TGFBR3: variants seen among roughly 807,000 people sequenced by gnomAD.
The protein encoded by TGFBR3 is transforming growth factor beta receptor type 3.
In TGFBR3, 46 loss-of-function variants were observed where a neutral mutation model predicts 87.9. The ratio of observed to expected loss-of-function variants is 0.52; its 90% CI spans 0.41 to 0.67. The LOEUF is 0.67. TGFBR3 is among the 30% of genes least tolerant of loss of function. The pLI, the probability that TGFBR3 is intolerant of heterozygous loss-of-function variation, is 0.00. For missense variants in TGFBR3, 866 were observed against 1,041.9 expected (o/e 0.83, Z 2.32); for synonymous variants, 381 against 391.6 (o/e 0.97, Z 0.32).
chr1:91,779,473 T>C (rs1474269715), intron 3 of TGFBR3, among the ~76,000 whole-genome samples: 1 of 152,192 alleles, frequency 6.6e-6, no homozygotes, highest in Non-Finnish European at 1.5e-5. Context: ...CTTGCACTCC[T>C]AAGAGGGATG....
Position 91,797,426 on chromosome 1 carries a change from G to C in TGFBR3, c.107C>G (p.Ser36Cys). Residue 36 changes from serine (S) to cysteine (C), a missense_variant, in exon 3 of 17, where the codon TCC becomes TGC. Physicochemically the swap from Ser to Cys is moderately radical, Grantham distance 112. Transcript: ENST00000212355. The stretch of plus-strand genomic sequence containing the variant: ...CTCCATCAAGGCCTGGACAGGATGG[G>C]AGGCACTGACAGGTGACAGTTCACA... The part of the protein sequence containing the change: ...ALCELSPVSA[S>C]HPVQALMESF... The C allele has an allele frequency of 6.2e-7, 1 of 1,614,226 alleles. No individual in the cohort carries two copies. The highest frequency in any genetic ancestry group is 8.5e-7 in the Non-Finnish European group (1 of 1,180,044).
chr1:91,768,939 G>A (rs917648453), intron 3 of TGFBR3, among the ~76,000 whole-genome samples: 3 of 152,082 alleles, frequency 2.0e-5, no homozygotes, highest in South Asian at 2.1e-4. Flanking sequence ...CACATCTCCC[G>A]TAACCCAATC....
In TGFBR3 at chr1:91,681,834, G is replaced by T. The variant is rs1670918884; in HGVS notation, c.*1905C>A. ...AAACAATACATTCCACCGAAGGTTA[G>T]GCAAAGCGCAATATTTTCAAACACA... On this transcript the variant is annotated 3_prime_UTR_variant, in exon 17 of 17. Coordinates refer to ENST00000212355, the MANE Select transcript of TGFBR3 (RefSeq NM_003243.5). 6.6e-6 allele frequency: 3 copies of T among 453,110 alleles called. No individual in the cohort carries two copies. Among genetic ancestry groups the T allele is most frequent in the Non-Finnish European group, 1.3e-5 (3 of 226,622 alleles). The allele number at this position is 453,110 out of a possible 1,614,324, so 28.1% of individuals were successfully genotyped here.
rs1268151494 is a variant in TGFBR3 at position 91,861,620 on chromosome 1, T to C, written c.-89A>G. 4 of 1,021,206 alleles carry C rather than the reference T, an allele frequency of 3.9e-6. No homozygotes were observed. Among genetic ancestry groups the C allele is most frequent in the Non-Finnish European group, 6.2e-6 (4 of 643,980 alleles). 63.3% of individuals were successfully genotyped at this position (1,021,206 alleles called of 1,614,324 possible). A position where few individuals can be genotyped will look rare whatever the true frequency, so the allele number is the denominator to read the frequency against. On this transcript the variant is annotated 5_prime_UTR_variant, in exon 2 of 17. Transcript: ENST00000212355. Reference sequence around the variant, plus strand: ...TTGCAAATCAGAAGTAGTCTTAAAGTCCCTCCTTGCAATTTTCAAACTGCC... The same window carrying C: ...TTGCAAATCAGAAGTAGTCTTAAAGCCCCTCCTTGCAATTTTCAAACTGCC...
At chr1:91,903,379 A>G (rs907651250) in intron 1 of TGFBR3, among the ~76,000 whole-genome samples, 112 of 144,106 alleles carry the variant, frequency 7.8e-4, no homozygotes, top group African/African-American at 2.8e-3. Context: ...GCCAGTCTGG[A>G]CCTCTGTCTC....
intron 2 of TGFBR3, among the ~76,000 whole-genome samples, chr1:91,826,187 G>A (rs1676626672): frequency 6.6e-6 from 1 of 152,064 alleles, no homozygotes; most frequent in Non-Finnish European, 1.5e-5. Context: ...GGTGGAGTCA[G>A]GATAGAGAGA....
At chr1:91,687,641 A>C (rs1274493324) in intron 16 of TGFBR3, among the ~76,000 whole-genome samples, 1 of 152,232 alleles carries the variant, frequency 6.6e-6, no homozygotes, top group East Asian at 1.9e-4. Flanking sequence ...AATACTCTCC[A>C]TGAGGATTAT....
chr1:91,874,004 T>C (rs1280429153), intron 1 of TGFBR3, among the ~76,000 whole-genome samples: 3 of 152,008 alleles, frequency 2.0e-5, no homozygotes, highest in Non-Finnish European at 4.4e-5. Flanking sequence ...ATAATGTTTA[T>C]CAAGTGCCTG....
At chr1:91,724,616 T>C (rs1672487771) in intron 7 of TGFBR3, among the ~76,000 whole-genome samples, 1 of 152,204 alleles carries the variant, frequency 6.6e-6, no homozygotes, top group Non-Finnish European at 1.5e-5. Flanking sequence ...TCAACATCTA[T>C]CTACACATTT....
chr1:91,681,585 T>C lies in TGFBR3; in HGVS notation c.*2154A>G, dbSNP rs1456021541. The stretch of plus-strand genomic sequence containing the variant: ...TAATATCTCCTAATAGCTAATTTTC[T>C]TTTTAACACGATGGAAAAGATTTTT... On this transcript the variant is annotated 3_prime_UTR_variant, in exon 17 of 17. Transcript: ENST00000212355. 2.5e-6 allele frequency: 1 copy of C among 399,322 alleles called. No homozygotes were observed. Among genetic ancestry groups the C allele is most frequent in the African/African-American group, 2.1e-5 (1 of 47,132 alleles). The allele number at this position is 399,322 out of a possible 1,614,324, so 24.7% of individuals were successfully genotyped here.
upstream of TGFBR3, among the ~76,000 whole-genome samples, chr1:91,887,615 T>C (rs1264505629): frequency 6.6e-6 from 1 of 152,164 alleles, no homozygotes; most frequent in African/African-American, 2.4e-5. Context: ...AGGCTTCTTA[T>C]GACATGTTAT....
intron 4 of TGFBR3, among the ~76,000 whole-genome samples, chr1:91,738,830 T>C (rs972950030): frequency 6.6e-6 from 1 of 152,118 alleles, no homozygotes; most frequent in Non-Finnish European, 1.5e-5. Flanking sequence ...AGAGACACAG[T>C]GGAGAATATG....
intron 7 of TGFBR3, among the ~76,000 whole-genome samples, chr1:91,726,212 G>A (rs1672543929): frequency 6.6e-6 from 1 of 152,218 alleles, no homozygotes; most frequent in African/African-American, 2.4e-5. Context: ...CTCAGGGAAA[G>A]AGCCATCGAA....
intron 2 of TGFBR3, among the ~76,000 whole-genome samples, chr1:91,836,563 G>A (rs1677076994): frequency 1.3e-5 from 2 of 152,108 alleles, no homozygotes; most frequent in African/African-American, 2.4e-5. Context: ...TGGCAGTGAG[G>A]AGCATTTTCC....
At chr1:91,730,240 C>T (rs1672717277) in intron 5 of TGFBR3, among the ~76,000 whole-genome samples, 1 of 152,142 alleles carries the variant, frequency 6.6e-6, no homozygotes, top group Non-Finnish European at 1.5e-5. Flanking sequence ...ACTTCCTGTC[C>T]TCGTCTGTTT....
In TGFBR3 at chr1:91,680,959, G is replaced by A. The variant is rs79001261; in HGVS notation, c.*2780C>T. 6,455 of 454,048 alleles carry A rather than the reference G, an allele frequency of 0.014. 346 individuals carry two copies. Among genetic ancestry groups the A allele is most frequent in the African/African-American group, 0.12 (5,892 of 50,084 alleles). The allele number at this position is 454,048 out of a possible 1,614,324, so 28.1% of individuals were successfully genotyped here. A position where few individuals can be genotyped will look rare whatever the true frequency, so the allele number is the denominator to read the frequency against. On this transcript the variant is annotated 3_prime_UTR_variant, in exon 17 of 17. Coordinates refer to ENST00000212355, the MANE Select transcript of TGFBR3 (RefSeq NM_003243.5). ...GAGTAACAGCTGGTAAACACCACAT[G>A]GTGAAAAGCTATAGCGTATTATACA...
intron 9 of TGFBR3, among the ~76,000 whole-genome samples, 189 bp from the exon 10 acceptor site, chr1:91,719,653 G>T (rs1440707176): frequency 2.0e-5 from 3 of 152,104 alleles, no homozygotes; most frequent in Non-Finnish European, 4.4e-5. Context: ...GTTGGCCTTG[G>T]AAATTCAATA....
chr1:91,707,698 C>T (rs1053836581), intron 14 of TGFBR3, among the ~76,000 whole-genome samples: 2 of 152,322 alleles, frequency 1.3e-5, no homozygotes, highest in South Asian at 2.1e-4. Flanking sequence ...TATCTAACCC[C>T]GCTTGGAATC....
At chr1:91,809,319 G>C (rs978073085) in intron 2 of TGFBR3, among the ~76,000 whole-genome samples, 3 of 152,220 alleles carry the variant, frequency 2.0e-5, no homozygotes, top group Non-Finnish European at 4.4e-5. Context: ...GTGTGCAAAA[G>C]CACGGAGGAA....
Sources: allele counts gnomAD v4.1 joint callset (sites outside exome capture counted in the v4.1 genomes callset), GRCh38; gene constraint gnomAD v4.1.1; transcripts MANE v1.5; gene names NCBI Gene and HGNC (gene_info 2026-07-23, HGNC 2026-07-21).